The following MAGI2 variants were observed in gnomAD, a reference collection of about 807,000 sequenced individuals.
MAGI2 encodes membrane-associated guanylate kinase, WW and PDZ domain-containing protein 2.
A neutral mutation model predicts 133.3 loss-of-function variants in MAGI2; 35 were observed. The ratio of observed to expected loss-of-function variants is 0.26; its 90% CI spans 0.20 to 0.35. The LOEUF (loss-of-function observed/expected upper bound fraction) is 0.35. Ranked by LOEUF, MAGI2 falls within the 10% of genes least tolerant of loss-of-function variation. The pLI, the probability that MAGI2 is intolerant of heterozygous loss-of-function variation, is 1.00. For missense variants in MAGI2, 1,636 were observed against 1,863.4 expected (o/e 0.88, Z 2.25); for synonymous variants, 729 against 710.6 (o/e 1.03, Z -0.41).
intron 6 of MAGI2, among the ~76,000 whole-genome samples, chr7:78,393,265 G>A (rs1216032418): frequency 2.0e-5 from 3 of 152,178 alleles, no homozygotes; most frequent in African/African-American, 2.4e-5. Context: ...CTGTGGCCTA[G>A]GTTTGGGCAA....
chr7:78,444,888 CAT>C (rs1050761259), intron 6 of MAGI2, among the ~76,000 whole-genome samples: 279 of 146,280 alleles, frequency 1.9e-3, no homozygotes, highest in African/African-American at 6.5e-3. Flanking sequence ...TATATGTATA[CAT>C]ATGTGTGTAT....
At chr7:78,323,908 AG>A (rs1261123800) in intron 9 of MAGI2, among the ~76,000 whole-genome samples, 1 of 152,114 alleles carries the variant, frequency 6.6e-6, no homozygotes, top group Non-Finnish European at 1.5e-5. Flanking sequence ...GAGGGTTGGG[AG>A]CAAAAACCTG....
chr7:78,733,518 T>A (rs1468615909), intron 2 of MAGI2, among the ~76,000 whole-genome samples: 1 of 152,226 alleles, frequency 6.6e-6, no homozygotes, highest in Non-Finnish European at 1.5e-5. Context: ...ATAGAATCAT[T>A]CTAGTAAAAT....
intron 4 of MAGI2, among the ~76,000 whole-genome samples, chr7:78,514,336 A>G (rs972110266): frequency 6.6e-6 from 1 of 152,006 alleles, no homozygotes; most frequent in East Asian, 1.9e-4. Flanking sequence ...CTAAAGTGAT[A>G]TCATTACTTT....
intron 1 of MAGI2, among the ~76,000 whole-genome samples, chr7:79,260,235 G>T (rs1394694425): frequency 6.6e-6 from 1 of 151,950 alleles, no homozygotes; most frequent in Non-Finnish European, 1.5e-5. Context: ...GCGCTCCTGG[G>T]GTCCCAGCTA....
At chr7:79,255,561 A>G (rs891970284) in intron 1 of MAGI2, among the ~76,000 whole-genome samples, 1 of 152,238 alleles carries the variant, frequency 6.6e-6, no homozygotes, top group African/African-American at 2.4e-5. Flanking sequence ...TCGCACAATG[A>G]GAAAAAGAAG....
chr7:79,329,079 C>A (rs1419211239), intron 1 of MAGI2, among the ~76,000 whole-genome samples: 1 of 152,188 alleles, frequency 6.6e-6, no homozygotes, highest in Non-Finnish European at 1.5e-5. Context: ...GATTTCAGAA[C>A]CACTGATATA....
intron 20 of MAGI2, among the ~76,000 whole-genome samples, chr7:78,081,184 C>A (rs980261684): frequency 6.6e-6 from 1 of 152,192 alleles, no homozygotes; most frequent in African/African-American, 2.4e-5. Context: ...GATGTCCACT[C>A]TCTCTGTTCA....
chr7:78,319,386 A>G (rs1286079492), intron 9 of MAGI2, among the ~76,000 whole-genome samples: 4 of 152,212 alleles, frequency 2.6e-5, no homozygotes, highest in African/African-American at 9.7e-5. Flanking sequence ...TGGAAGTAAG[A>G]CACTCCTCAG....
At chr7:79,396,034 C>A (rs1845026584) in intron 1 of MAGI2, among the ~76,000 whole-genome samples, 1 of 152,076 alleles carries the variant, frequency 6.6e-6, no homozygotes, top group Non-Finnish European at 1.5e-5. Context: ...CTGGGGATTT[C>A]TTGAGCCTAT....
rs202103268 is a variant in MAGI2, at chr7:78,019,951, G to T, written c.3732C>A (p.Pro1244=). ...EYDEPAPWSS[P]AAAAPGLPEV... is the part of the protein sequence containing the mutation. The stretch of plus-strand genomic sequence containing the variant: ...CCGGCAGACCTGGGGCGGCGGCAGC[G>T]GGAGAACTCCAGGGGGCGGGTTCGT... The change falls in exon 22 of 22, where the codon CCC becomes CCA. Residue 1244 remains proline (P), a synonymous_variant. Coordinates refer to ENST00000354212, the MANE Select transcript of MAGI2 (RefSeq NM_012301.4). 8 of 1,607,988 alleles carry T rather than the reference G, an allele frequency of 5.0e-6. No homozygotes were observed. The Admixed American group carries it at 5.1e-5, about 10-fold the overall frequency.
intron 1 of MAGI2, among the ~76,000 whole-genome samples, chr7:79,261,748 A>G (rs1049742031): frequency 1.3e-5 from 2 of 152,182 alleles, no homozygotes; most frequent in Admixed American, 1.3e-4. Context: ...ACAAAATACA[A>G]TTTAAAGATC....
In MAGI2 at chr7:78,434,476, C is replaced by T. The variant is rs139320928; in HGVS notation, c.1045+55285G>A. On this transcript the variant is annotated intron_variant, in intron 6 of 21. Coordinates refer to ENST00000354212, the MANE Select transcript of MAGI2 (RefSeq NM_012301.4). ...GGTAGGGGTTCACTGGCTTGGGCAG[C>T]TCCCCCTGGTGAGGGAAAAAGAAAC... Among the ~76,000 whole-genome samples, 671 of 152,280 alleles carry T rather than the reference C, an allele frequency of 4.4e-3. 4 individuals carry two copies. Among genetic ancestry groups the T allele is most frequent in the Non-Finnish European group, 7.6e-3 (520 of 68,026 alleles).
chr7:78,767,043 G>T (rs996197600), intron 2 of MAGI2, among the ~76,000 whole-genome samples: 1 of 151,032 alleles, frequency 6.6e-6, no homozygotes, highest in African/African-American at 2.4e-5. Context: ...AGGCTGGAGT[G>T]CAATGGCACG....
chr7:79,018,946 A>G (rs994382129), intron 1 of MAGI2, among the ~76,000 whole-genome samples: 3 of 152,196 alleles, frequency 2.0e-5, no homozygotes, highest in African/African-American at 7.2e-5. Flanking sequence ...ATAATGGAAG[A>G]CTTTAACACT....
chr7:78,667,443 A>G (rs772901757), intron 2 of MAGI2, among the ~76,000 whole-genome samples: 2 of 151,434 alleles, frequency 1.3e-5, no homozygotes, highest in East Asian at 1.9e-4. Flanking sequence ...ACAATGTGCA[A>G]GTTAGTTACA....
chr7:79,195,104 A>G (rs1286049653), intron 1 of MAGI2, among the ~76,000 whole-genome samples: 1 of 151,960 alleles, frequency 6.6e-6, no homozygotes. Context: ...TTTTTGTAAA[A>G]AGATAAAATT....
intron 2 of MAGI2, among the ~76,000 whole-genome samples, chr7:78,938,320 T>C (rs911197803): frequency 6.6e-6 from 1 of 152,102 alleles, no homozygotes; most frequent in African/African-American, 2.4e-5. Flanking sequence ...AAAGATATTA[T>C]ATAACGATTC....
At chr7:79,194,504 T>A (rs1827922431) in intron 1 of MAGI2, among the ~76,000 whole-genome samples, 1 of 151,968 alleles carries the variant, frequency 6.6e-6, no homozygotes, top group Non-Finnish European at 1.5e-5. Flanking sequence ...AAAAATAGAC[T>A]GAATTACATA....
Sources: allele counts gnomAD v4.1 joint callset (sites outside exome capture counted in the v4.1 genomes callset), GRCh38; gene constraint gnomAD v4.1.1; transcripts MANE v1.5; gene names NCBI Gene and HGNC (gene_info 2026-07-23, HGNC 2026-07-21).